MSI2: variants seen among roughly 807,000 people sequenced by gnomAD.
MSI2 encodes musashi RNA binding protein 2.
Under a neutral mutation model 45.6 loss-of-function variants are expected in MSI2, and 17 were observed. The observed-to-expected ratio is 0.37, with a 90% CI of 0.26 to 0.56. The LOEUF (loss-of-function observed/expected upper bound fraction) is 0.56. Among genes scored for constraint, MSI2 ranks in the 20% least tolerant of loss-of-function variants. MSI2 has a pLI of 0.77. For missense variants in MSI2, 293 were observed against 444.2 expected (o/e 0.66, Z 3.06); for synonymous variants, 156 against 158.2 (o/e 0.99, Z 0.11).
At chr17:57,431,364 G>A (rs980398577) in intron 6 of MSI2, among the ~76,000 whole-genome samples, 1 of 152,224 alleles carries the variant, frequency 6.6e-6, no homozygotes, top group African/African-American at 2.4e-5. Context: ...CACAGCCAGG[G>A]AATGTCCTTA....
At chr17:57,526,413 G>C (rs996993588) in intron 6 of MSI2, among the ~76,000 whole-genome samples, 4 of 146,480 alleles carry the variant, frequency 2.7e-5, no homozygotes. Context: ...GTGTGTGACA[G>C]AGAGAGAGAG....
rs79426836 is a variant in MSI2 at position 57,524,095 on chromosome 17, C to T, written c.406-5581C>T. On this transcript the variant is annotated intron_variant, in intron 6 of 13. Coordinates refer to ENST00000284073, the MANE Select transcript of MSI2 (RefSeq NM_138962.4). ...GCTGGCCTCGGCACAGGGAAGTTGG[C>T]CCTGCTCCATGTGCCACCCATCCTG... Among the ~76,000 whole-genome samples the T allele has an allele frequency of 1.8e-4, 28 of 152,334 alleles. No individual in the cohort carries two copies. The East Asian group carries it at 5.4e-3, about 29-fold the overall frequency.
chr17:57,273,887 C>G (rs1908626255), intron 5 of MSI2, among the ~76,000 whole-genome samples: 1 of 152,180 alleles, frequency 6.6e-6, no homozygotes, highest in Admixed American at 6.5e-5. Context: ...TGGGAAATAA[C>G]TGTTTTTTTC....
intron 6 of MSI2, among the ~76,000 whole-genome samples, chr17:57,422,780 T>G (rs2084420377): frequency 6.6e-6 from 1 of 152,258 alleles, no homozygotes; most frequent in African/African-American, 2.4e-5. Context: ...TTAAGCCTTT[T>G]TTTCATTTTA....
chr17:57,533,366 G>A (rs1380204435), intron 7 of MSI2, among the ~76,000 whole-genome samples: 1 of 152,174 alleles, frequency 6.6e-6, no homozygotes, highest in Non-Finnish European at 1.5e-5. Flanking sequence ...AGATGTGGGG[G>A]CTCTCACCTT....
chr17:57,286,630 T>C (rs1349024655), intron 5 of MSI2, among the ~76,000 whole-genome samples: 1 of 152,084 alleles, frequency 6.6e-6, no homozygotes, highest in South Asian at 2.1e-4. Flanking sequence ...AACAAGGGGC[T>C]GCCTTACCAG....
At chr17:57,550,187 AG>A (rs1379308477) in intron 7 of MSI2, among the ~76,000 whole-genome samples, 1 of 152,100 alleles carries the variant, frequency 6.6e-6, no homozygotes, top group Non-Finnish European at 1.5e-5. Context: ...TGCATGGGAG[AG>A]GGGGCTTGCA....
chr17:57,401,921 CCT>C (rs1376325793), intron 6 of MSI2, among the ~76,000 whole-genome samples: 6 of 152,094 alleles, frequency 3.9e-5, no homozygotes, highest in African/African-American at 1.4e-4. Context: ...TGAACCCTCC[CCT>C]GTCAAATGCC....
At chr17:57,335,641 A>C (rs1437515416) in intron 5 of MSI2, among the ~76,000 whole-genome samples, 1 of 152,234 alleles carries the variant, frequency 6.6e-6, no homozygotes, top group Non-Finnish European at 1.5e-5. Flanking sequence ...GAACTTAACA[A>C]AATGCTGAGA....
chr17:57,523,173 G>A (rs533484164), intron 6 of MSI2, among the ~76,000 whole-genome samples: 20 of 151,422 alleles, frequency 1.3e-4, no homozygotes, highest in African/African-American at 4.6e-4. Flanking sequence ...TCAGCCTCCC[G>A]CGCAGCTGGG....
chr17:57,316,992 T>C (rs1240800044), intron 5 of MSI2, among the ~76,000 whole-genome samples: 1 of 151,626 alleles, frequency 6.6e-6, no homozygotes, highest in African/African-American at 2.4e-5. Flanking sequence ...AATCAGGCTC[T>C]TTGTTTCCAT....
At chr17:57,488,005 C>T (rs1345260623) in intron 6 of MSI2, among the ~76,000 whole-genome samples, 1 of 151,976 alleles carries the variant, frequency 6.6e-6, no homozygotes, top group Non-Finnish European at 1.5e-5. Flanking sequence ...TAGCTCTGTG[C>T]CAGGCCAATG....
intron 6 of MSI2, among the ~76,000 whole-genome samples, chr17:57,460,160 T>A (rs1298137025): frequency 4.0e-5 from 6 of 149,986 alleles, no homozygotes; most frequent in African/African-American, 1.2e-4. Context: ...AATAAATAAA[T>A]AAATAAATAA....
intron 6 of MSI2, among the ~76,000 whole-genome samples, chr17:57,509,364 A>G (rs914437784): frequency 3.3e-5 from 5 of 152,166 alleles, no homozygotes; most frequent in Admixed American, 1.3e-4. Flanking sequence ...CCGCCCACAA[A>G]TGGAAGAATA....
chr17:57,551,383 C>T (rs752203668), intron 7 of MSI2, among the ~76,000 whole-genome samples: 7 of 152,090 alleles, frequency 4.6e-5, no homozygotes, highest in South Asian at 2.1e-4. Context: ...GTGTGAGCCT[C>T]GGGGATTGCT....
At chr17:57,669,042 G>A (rs530096011) in intron 11 of MSI2, among the ~76,000 whole-genome samples, 8 of 152,284 alleles carry the variant, frequency 5.3e-5, no homozygotes, top group South Asian at 2.1e-4. Flanking sequence ...ATAGCTGGCC[G>A]GGCAGACTCC....
intron 9 of MSI2, chr17:57,625,477 T>C (rs1303541135): frequency 6.6e-6 from 1 of 152,234 alleles, no homozygotes; most frequent in Admixed American, 6.5e-5. Context: ...GGGATCCTTT[T>C]CCATTAGCCC....
intron 5 of MSI2, among the ~76,000 whole-genome samples, chr17:57,292,617 G>T (rs558069905): frequency 6.6e-6 from 1 of 152,306 alleles, no homozygotes; most frequent in Non-Finnish European, 1.5e-5. Flanking sequence ...TTGCTAAGGT[G>T]CCTGGACATC....
At chr17:57,699,924 C>G in the MSI2 span, among the ~76,000 whole-genome samples, 1 of 152,226 alleles carries the variant, frequency 6.6e-6, no homozygotes, top group African/African-American at 2.4e-5. Context: ...AGCAGGCGAG[C>G]CAGCCCATAG....
Sources: gnomAD v4.1 joint callset for allele counts (sites outside exome capture counted in the v4.1 genomes callset) on GRCh38, gnomAD v4.1.1 for gene constraint, MANE v1.5 for transcripts, NCBI Gene and HGNC (gene_info 2026-07-23, HGNC 2026-07-21) for gene names.